TNNI3K: variants seen among roughly 807,000 people sequenced by gnomAD.
TNNI3K encodes TNNI3 interacting kinase.
Under a neutral mutation model 114.5 loss-of-function variants are expected in TNNI3K, and 140 were observed. The observed-to-expected ratio is 1.22, with a 90% CI of 1.07 to 1.41. The LOEUF is 1.41. TNNI3K is among the 40% of genes most tolerant of loss of function. TNNI3K has a pLI of 0.00. For missense variants in TNNI3K, 1,125 were observed against 1,007.6 expected (o/e 1.12, Z -1.58); for synonymous variants, 347 against 347.5 (o/e 1.00, Z 0.02).
chr1:74,328,022 G>A (rs1289607835), intron 5 of TNNI3K, among the ~76,000 whole-genome samples: 2 of 151,854 alleles, frequency 1.3e-5, no homozygotes, highest in African/African-American at 2.4e-5. Flanking sequence ...AAACACTTGA[G>A]ATTTGCTGAA....
intron 4 of TNNI3K, among the ~76,000 whole-genome samples, chr1:74,254,592 T>C (rs1655159138): frequency 2.0e-5 from 3 of 152,184 alleles, no homozygotes; most frequent in Admixed American, 6.5e-5. Flanking sequence ...ACTCACAAAA[T>C]GAATAATGTA....
chr1:74,353,765 A>G (rs879044214), intron 10 of TNNI3K, among the ~76,000 whole-genome samples: 1 of 152,346 alleles, frequency 6.6e-6, no homozygotes, highest in Admixed American at 6.5e-5. Flanking sequence ...AGGAAAAGAC[A>G]GTCTCTGTAG....
chr1:74,501,079 T>G (rs182183098), intron 23 of TNNI3K, among the ~76,000 whole-genome samples: 8 of 152,304 alleles, frequency 5.3e-5, no homozygotes, highest in East Asian at 1.9e-4. Context: ...CTTTAGTATC[T>G]CTTTCTGGAA....
chr1:74,436,591 G>A, intron 19 of TNNI3K, 65 bp downstream of exon 19: 1 of 1,520,204 alleles, frequency 6.6e-7, no homozygotes, highest in Non-Finnish European at 8.8e-7. Context: ...CAGCATGAGA[G>A]GACGTAAGAT....
intron 21 of TNNI3K, chr1:74,471,380 G>A: frequency 2.5e-6 from 1 of 400,666 alleles, no homozygotes; most frequent in Non-Finnish European, 4.4e-6. Context: ...TTCTTAGGAG[G>A]CAACAATACC....
At chr1:74,382,926 T>G (rs1390509398) in intron 17 of TNNI3K, among the ~76,000 whole-genome samples, 2 of 152,188 alleles carry the variant, frequency 1.3e-5, no homozygotes, top group Non-Finnish European at 2.9e-5. Context: ...TTGAGTGACC[T>G]CTTTCTTTGG....
At chr1:74,531,579 A>G (rs1458827457) in intron 23 of TNNI3K, among the ~76,000 whole-genome samples, 2 of 152,156 alleles carry the variant, frequency 1.3e-5, no homozygotes, top group African/African-American at 2.4e-5. Context: ...TGCCAAAAGG[A>G]TGAGCCAGAT....
chr1:74,398,260 C>A (rs981086593), intron 17 of TNNI3K, among the ~76,000 whole-genome samples: 1 of 152,122 alleles, frequency 6.6e-6, no homozygotes, highest in Non-Finnish European at 1.5e-5. Flanking sequence ...ACAGGCCACC[C>A]AAACTGAGGA....
intron 15 of TNNI3K, 54 bp from the exon 16 acceptor site, chr1:74,369,337 C>A: frequency 6.2e-7 from 1 of 1,606,332 alleles, no homozygotes; most frequent in South Asian, 1.1e-5. Flanking sequence ...CATGGCAAGC[C>A]CCTTGTTTGG....
intron 17 of TNNI3K, among the ~76,000 whole-genome samples, chr1:74,385,698 A>C (rs1035705175): frequency 1.3e-5 from 2 of 152,204 alleles, no homozygotes; most frequent in African/African-American, 4.8e-5. Flanking sequence ...GCAAAGGTTA[A>C]GAGTTCAGTC....
chr1:74,361,174 A>G (rs1200090426), intron 11 of TNNI3K, among the ~76,000 whole-genome samples: 2 of 152,114 alleles, frequency 1.3e-5, no homozygotes, highest in Non-Finnish European at 2.9e-5. Context: ...ATTTTAAAAT[A>G]TGTTCTAAAG....
intron 17 of TNNI3K, among the ~76,000 whole-genome samples, chr1:74,399,634 G>C (rs1340074594): frequency 1.3e-5 from 2 of 152,164 alleles, no homozygotes; most frequent in African/African-American, 4.8e-5. Flanking sequence ...AGAATCCCCA[G>C]ATGGAAGGGA....
intron 17 of TNNI3K, among the ~76,000 whole-genome samples, chr1:74,404,610 T>C (rs976860937): frequency 6.6e-6 from 1 of 152,184 alleles, no homozygotes; most frequent in Non-Finnish European, 1.5e-5. Flanking sequence ...GCCAAAATAT[T>C]GTATTGCTAA....
At chr1:74,338,564 G>A (rs572069593) in intron 7 of TNNI3K, among the ~76,000 whole-genome samples, 1 of 151,674 alleles carries the variant, frequency 6.6e-6, no homozygotes, top group East Asian at 1.9e-4. Context: ...CTTTGCAGCG[G>A]GAACAATACA....
chr1:74,484,118 TA>T (rs1472220408), intron 21 of TNNI3K, among the ~76,000 whole-genome samples: 2 of 151,698 alleles, frequency 1.3e-5, no homozygotes, highest in Non-Finnish European at 2.9e-5. Flanking sequence ...ACCTTTATTT[TA>T]AAGCTTTCTC....
At chr1:74,426,451 C>T (rs1216305620) in intron 17 of TNNI3K, among the ~76,000 whole-genome samples, 1 of 151,998 alleles carries the variant, frequency 6.6e-6, no homozygotes, top group Non-Finnish European at 1.5e-5. Context: ...GTTGATAAAG[C>T]CCAGCTCTCC....
intron 20 of TNNI3K, among the ~76,000 whole-genome samples, chr1:74,449,632 C>G (rs1480183596): frequency 6.6e-6 from 1 of 151,540 alleles, no homozygotes; most frequent in African/African-American, 2.4e-5. Context: ...AGACTTTAAA[C>G]CAACAAAGAT....
chr1:74,304,777 T>C (rs1658525253), intron 5 of TNNI3K, among the ~76,000 whole-genome samples: 1 of 152,158 alleles, frequency 6.6e-6, no homozygotes, highest in Non-Finnish European at 1.5e-5. Flanking sequence ...AGGTATTACA[T>C]TGTGTTTTGA....
chr1:74,249,594 G>A (rs758050798), intron 3 of TNNI3K, 50 bp downstream of exon 3: 54 of 1,565,398 alleles, frequency 3.4e-5, no homozygotes, highest in South Asian at 1.5e-4. Context: ...TGTGTATATC[G>A]TCAGTGACTT....
Sources: gnomAD v4.1 joint callset for allele counts (sites outside exome capture counted in the v4.1 genomes callset) on GRCh38, gnomAD v4.1.1 for gene constraint, MANE v1.5 for transcripts, NCBI Gene and HGNC (gene_info 2026-07-23, HGNC 2026-07-21) for gene names.